BANK1: variants seen among roughly 807,000 people sequenced by gnomAD.
BANK1 encodes B-cell scaffold protein with ankyrin repeats.
Under a neutral mutation model 94.5 loss-of-function variants are expected in BANK1, and 95 were observed. The observed-to-expected ratio is 1.00, with a 90% confidence interval of 0.85 to 1.19. The LOEUF (loss-of-function observed/expected upper bound fraction) is 1.19, where lower values mean the gene tolerates loss of function less well. BANK1 is among the 50% of genes most tolerant of loss of function. BANK1 has a pLI of 0.00. For synonymous variants in BANK1, 334 were observed against 308.4 expected, an observed-to-expected ratio of 1.08 and a Z score of -0.87; for missense variants, 987 against 932.2, an observed-to-expected ratio of 1.06 and a Z score of -0.77.
intron 10 of BANK1, among the ~76,000 whole-genome samples, chr4:102,040,411 T>C (rs1727666858): frequency 6.6e-6 from 1 of 152,068 alleles, no homozygotes; most frequent in Non-Finnish European, 1.5e-5. Context: ...TGTGGACTTT[T>C]TATGTTTAAA....
At chr4:101,836,416 G>C (rs1223800992) in intron 2 of BANK1, among the ~76,000 whole-genome samples, 1 of 152,160 alleles carries the variant, frequency 6.6e-6, no homozygotes, top group East Asian at 1.9e-4. Context: ...GGAGGCAGAG[G>C]CTGCCGTGAG....
chr4:101,893,625 C>T (rs1296414856), intron 5 of BANK1, among the ~76,000 whole-genome samples: 1 of 151,766 alleles, frequency 6.6e-6, no homozygotes, highest in South Asian at 2.1e-4. Context: ...TAATTTTTTG[C>T]CCCACTGCTC....
At chr4:101,889,851 G>C (rs1196517892) in intron 5 of BANK1, among the ~76,000 whole-genome samples, 1 of 151,912 alleles carries the variant, frequency 6.6e-6, no homozygotes, top group East Asian at 1.9e-4. Flanking sequence ...CAAAAATTTT[G>C]ATATGTTGTA....
At chr4:102,034,969 C>A (rs1298200685) in intron 10 of BANK1, among the ~76,000 whole-genome samples, 1 of 152,200 alleles carries the variant, frequency 6.6e-6, no homozygotes, top group African/African-American at 2.4e-5. Context: ...CCAAACTAAT[C>A]TGTTTTCCCC....
intron 7 of BANK1, among the ~76,000 whole-genome samples, chr4:102,016,546 AC>A (rs1726707692): frequency 6.6e-6 from 1 of 152,148 alleles, no homozygotes; most frequent in African/African-American, 2.4e-5. Context: ...CCCTCGTTTA[AC>A]TTTTTTAAGC....
intron 5 of BANK1, among the ~76,000 whole-genome samples, chr4:101,872,452 G>T (rs2148881819): frequency 6.6e-6 from 1 of 152,250 alleles, no homozygotes; most frequent in South Asian, 2.1e-4. Flanking sequence ...TGGACTAAGT[G>T]TGACATGGGG....
intron 7 of BANK1, among the ~76,000 whole-genome samples, chr4:102,012,674 T>G (rs1726549203): frequency 6.6e-6 from 1 of 152,136 alleles, no homozygotes; most frequent in Admixed American, 6.5e-5. Context: ...TTTCAGAAGT[T>G]GCTTGCTCCT....
intron 6 of BANK1, among the ~76,000 whole-genome samples, chr4:101,902,948 G>A (rs1722330406): frequency 1.3e-5 from 2 of 152,208 alleles, no homozygotes; most frequent in African/African-American, 4.8e-5. Flanking sequence ...TTGTTCATCT[G>A]TATGAAATCG....
chr4:101,981,918 A>G (rs1311475506), intron 7 of BANK1: 1 of 152,132 alleles, frequency 6.6e-6, no homozygotes, highest in African/African-American at 2.4e-5. Flanking sequence ...TAACCCTGTC[A>G]CCGTCTGCTT....
chr4:101,935,363 G>T (rs1476166445), intron 7 of BANK1, among the ~76,000 whole-genome samples: 2 of 151,478 alleles, frequency 1.3e-5, no homozygotes, highest in African/African-American at 4.8e-5. Flanking sequence ...CTTTCTGTGG[G>T]CTGTTAACTT....
intron 1 of BANK1, among the ~76,000 whole-genome samples, chr4:101,810,160 C>T (rs4552465): frequency 0.073 from 11,153 of 152,102 alleles, 1,171 homozygotes; most frequent in African/African-American, 0.24. Flanking sequence ...GGGTAGCCTT[C>T]AGAAGCTGAA....
chr4:101,941,132 C>G lies in BANK1; in HGVS notation c.1206+22943C>G, dbSNP rs1378218542. On this transcript the variant is annotated intron_variant, in intron 7 of 16. Transcript: ENST00000322953. ...ACTTTATTTTTTGCTCAAATTATTC[C>G]AGCTTTGGCCATTGGGAGCTGTTTC... Among the ~76,000 whole-genome samples the G allele has an allele frequency of 6.6e-5, 10 of 151,434 alleles. No homozygotes were observed. In the East Asian group the frequency reaches 1.9e-3, roughly 29 times the overall value.
chr4:101,914,816 C>T (rs1255639707), intron 6 of BANK1, among the ~76,000 whole-genome samples: 2 of 152,148 alleles, frequency 1.3e-5, no homozygotes, highest in Admixed American at 1.3e-4. Flanking sequence ...CTTAGAAATA[C>T]TACACAGCAC....
chr4:101,823,146 AC>A, intron 1 of BANK1, among the ~76,000 whole-genome samples: 1 of 152,228 alleles, frequency 6.6e-6, no homozygotes, highest in South Asian at 2.1e-4. Context: ...CTAACACAAT[AC>A]CTTTCCCAAA....
rs76163995 is a variant in BANK1, at chr4:101,902,052, G to A, written c.1009+6642G>A. On this transcript the variant is annotated intron_variant, in intron 6 of 16. Transcript: ENST00000322953. ...TGGGATTACAGGTGTGAGCCACCAC[G>A]CCTGGCCCATCTCCAGCCAATTTTA... Among the ~76,000 whole-genome samples the A allele has an allele frequency of 4.8e-3, 724 of 152,230 alleles. 13 individuals are homozygous for A. The East Asian group carries it at 0.058, about 12-fold the overall frequency.
At chr4:101,954,774 T>C (rs1724282662) in intron 7 of BANK1, among the ~76,000 whole-genome samples, 1 of 152,172 alleles carries the variant, frequency 6.6e-6, no homozygotes, top group Non-Finnish European at 1.5e-5. Context: ...AACATAAGTA[T>C]TTTATGTAAT....
chr4:102,009,920 T>C (rs1031878400), intron 7 of BANK1, among the ~76,000 whole-genome samples: 9 of 152,198 alleles, frequency 5.9e-5, no homozygotes, highest in Non-Finnish European at 8.8e-5. Context: ...CCTAACCTAC[T>C]CTCTGATATT....
At chr4:101,819,817 T>C (rs1025409832) in intron 1 of BANK1, among the ~76,000 whole-genome samples, 11 of 150,946 alleles carry the variant, frequency 7.3e-5, no homozygotes, top group African/African-American at 1.7e-4. Flanking sequence ...CACTCTAGAG[T>C]AGAGGTCAGC....
At chr4:101,879,676 A>T (rs1484165931) in intron 5 of BANK1, among the ~76,000 whole-genome samples, 3 of 152,180 alleles carry the variant, frequency 2.0e-5, no homozygotes, top group Admixed American at 2.0e-4. Context: ...ATGAATATTG[A>T]TGCAAAAATC....
Sources: allele counts gnomAD v4.1 joint callset (sites outside exome capture counted in the v4.1 genomes callset), GRCh38; gene constraint gnomAD v4.1.1; transcripts MANE v1.5; gene names NCBI Gene and HGNC (gene_info 2026-07-23, HGNC 2026-07-21).